Variants in SPAG1 observed in about 807,000 individuals in gnomAD.
SPAG1 encodes sperm associated antigen 1, also known as sperm-associated antigen 1.
SPAG1 carries 69 observed loss-of-function variants against 100.5 expected under a neutral mutation model. The ratio of observed to expected loss-of-function variants is 0.69; its 90% CI spans 0.57 to 0.84. The LOEUF (loss-of-function observed/expected upper bound fraction) is 0.84, where lower values mean the gene tolerates loss of function less well. Among genes scored for constraint, SPAG1 ranks in the 40% least tolerant of loss-of-function variants. The pLI is 0.00. For missense variants in SPAG1, 955 were observed against 1,133.1 expected (o/e 0.84, Z 2.26); for synonymous variants, 336 against 411.6 (o/e 0.82, Z 2.22).
intron 14 of SPAG1, among the ~76,000 whole-genome samples, chr8:100,227,211 T>C (rs762449541): frequency 2.0e-5 from 3 of 152,236 alleles, no homozygotes; most frequent in Non-Finnish European, 4.4e-5. Context: ...TCTGTCTTTA[T>C]TGTAGTTGTT....
intron 14 of SPAG1, 88 bp downstream of exon 14, chr8:100,225,427 A>G (rs1818465874): frequency 8.1e-7 from 1 of 1,228,254 alleles, no homozygotes; most frequent in Admixed American, 2.2e-5. Context: ...AAGAGCATTA[A>G]TTCTAGAATC....
intron 16 of SPAG1, among the ~76,000 whole-genome samples, chr8:100,233,747 C>T (rs1336786866): frequency 1.3e-5 from 2 of 152,198 alleles, no homozygotes; most frequent in East Asian, 3.8e-4. Flanking sequence ...AAGATTCCTT[C>T]CAGCTCCAAA....
chr8:100,159,332 G>A (rs1331076835), intron 1 of SPAG1, among the ~76,000 whole-genome samples: 1 of 152,122 alleles, frequency 6.6e-6, no homozygotes, highest in African/African-American at 2.4e-5. Context: ...CTGAAGGTAT[G>A]GTGTGAAAGC....
At chr8:100,196,261 C>G (rs557092901) in intron 10 of SPAG1, among the ~76,000 whole-genome samples, 3 of 152,290 alleles carry the variant, frequency 2.0e-5, no homozygotes, top group Non-Finnish European at 4.4e-5. Context: ...CTGGGTCATA[C>G]GGCAAGTATA....
In SPAG1 at chr8:100,165,046, T is replaced by A. The variant is rs370328755; in HGVS notation, c.141-768T>A. Among the ~76,000 whole-genome samples the A allele has an allele frequency of 1.8e-4, 27 of 152,334 alleles. 1 individual carries two copies. Among genetic ancestry groups the A allele is most frequent in the African/African-American group, 6.5e-4 (27 of 41,584 alleles). On this transcript the variant is annotated intron_variant, in intron 2 of 18. Transcript: ENST00000388798. Reference sequence around the variant, plus strand: ...CTGTGACACTATTACCCTTAATTCATATGAATTCCCTCTTCACATGAAGAG... The same window carrying A: ...CTGTGACACTATTACCCTTAATTCAAATGAATTCCCTCTTCACATGAAGAG...
At chr8:100,179,378 A>G (rs1178281774) in intron 4 of SPAG1, among the ~76,000 whole-genome samples, 1 of 152,150 alleles carries the variant, frequency 6.6e-6, no homozygotes, top group Non-Finnish European at 1.5e-5. Context: ...GGGAGAATCC[A>G]TCTCAAAAAA....
rs769482572 is a variant in SPAG1, at chr8:100,239,323, G to A, written c.2199G>A (p.Glu733=). 2.5e-6 allele frequency: 4 copies of A among 1,575,686 alleles called. No homozygotes were observed. The African/African-American group carries it at 4.1e-5, about 16-fold the overall frequency. Residue 733 remains glutamate, a synonymous_variant, in exon 17 of 19, where the codon GAG becomes GAA. Transcript: ENST00000388798. This position sits in a 1 kb window ranked among gnomAD's most constrained non-coding sequence, Gnocchi z 5.0. The part of the protein sequence containing the change: ...SIIEAKMELE[E]VTRLLNLKDK... ...TTGAGGCAAAGATGGAACTGGAAGAGGTAACTAGACTCCTTAATCTTAAGG... is the reference window on the plus strand; with the variant it reads ...TTGAGGCAAAGATGGAACTGGAAGAAGTAACTAGACTCCTTAATCTTAAGG...
At chr8:100,165,265 A>C in intron 2 of SPAG1, 1 of 525,028 alleles carries the variant, frequency 1.9e-6, no homozygotes, top group South Asian at 1.4e-5. Context: ...GCAGTTCTGA[A>C]CCATGTTTTA....
chr8:100,230,431 G>C (rs1048278655), intron 14 of SPAG1, among the ~76,000 whole-genome samples: 1 of 152,150 alleles, frequency 6.6e-6, no homozygotes, highest in Non-Finnish European at 1.5e-5. Context: ...ACACTGTGAG[G>C]GTTGCTAGTT....
chr8:100,158,489 G>A (rs562597106), upstream of SPAG1: 3 of 152,364 alleles, frequency 2.0e-5, no homozygotes, highest in Non-Finnish European at 4.4e-5. Flanking sequence ...GCCACGGCGG[G>A]AGGATGCCGT....
At chr8:100,192,436 T>G (rs1436066194) in intron 9 of SPAG1, among the ~76,000 whole-genome samples, 1 of 152,218 alleles carries the variant, frequency 6.6e-6, no homozygotes, top group East Asian at 1.9e-4. Context: ...CCAACACACC[T>G]GCCCTCTCCG....
intron 9 of SPAG1, among the ~76,000 whole-genome samples, chr8:100,191,962 A>AT (rs757655863): frequency 1.3e-5 from 2 of 152,088 alleles, no homozygotes; most frequent in African/African-American, 4.8e-5. Flanking sequence ...AAGAACTGAG[A>AT]TTTTCCCCTG....
intron 3 of SPAG1, among the ~76,000 whole-genome samples, chr8:100,171,663 T>A (rs1471807309): frequency 6.6e-6 from 1 of 152,172 alleles, no homozygotes; most frequent in African/African-American, 2.4e-5. Context: ...ACCACAGGGT[T>A]CTGTCTGGGT....
At chr8:100,170,721 T>C (rs1815777281) in intron 3 of SPAG1, among the ~76,000 whole-genome samples, 1 of 152,192 alleles carries the variant, frequency 6.6e-6, no homozygotes. Flanking sequence ...AGGAATGTTT[T>C]TGTAGATTCA....
At chr8:100,220,856 T>A (rs1217584749) in intron 13 of SPAG1, among the ~76,000 whole-genome samples, 2 of 152,102 alleles carry the variant, frequency 1.3e-5, no homozygotes, top group Non-Finnish European at 2.9e-5. Flanking sequence ...GTGGATCACT[T>A]GAGGTCAGGA....
intron 14 of SPAG1, 116 bp from the exon 15 acceptor site, chr8:100,231,040 C>A: frequency 1.3e-6 from 1 of 781,686 alleles, no homozygotes; most frequent in Non-Finnish European, 1.9e-6. Flanking sequence ...GATTTTCACC[C>A]TGCATGCTGT....
At chr8:100,159,046 G>C (rs1815193988) in intron 1 of SPAG1, 1 of 151,660 alleles carries the variant, frequency 6.6e-6, no homozygotes, top group African/African-American at 2.4e-5. Flanking sequence ...TTAGGTAAGA[G>C]ATGGCTCTAT....
chr8:100,170,843 T>TTATC (rs1179598628), intron 3 of SPAG1, among the ~76,000 whole-genome samples: 1 of 142,640 alleles, frequency 7.0e-6, no homozygotes, highest in South Asian at 2.1e-4. Flanking sequence ...ATTTATTTAT[T>TTATC]TATTTATTTT....
rs1158997611 is a variant in SPAG1 at position 100,220,234 on chromosome 8, G to C, written c.1536-45G>C. On this transcript the variant is annotated intron_variant, in intron 12 of 18. Transcript: ENST00000388798. ...TATTCAGTGAAGTATAAACGAAAGA[G>C]CATTTTTCAAAACAAATGGTATGTA... 3 of 1,537,858 alleles carry C rather than the reference G, an allele frequency of 2.0e-6. No individual in the cohort carries two copies. In the South Asian group the frequency reaches 3.5e-5, roughly 18 times the overall value.
Sources: allele counts gnomAD v4.1 joint callset (sites outside exome capture counted in the v4.1 genomes callset), GRCh38; gene constraint gnomAD v4.1.1; non-coding constraint Gnocchi (gnomAD v3.1); transcripts MANE v1.5; gene names NCBI Gene and HGNC (gene_info 2026-07-23, HGNC 2026-07-21).